The following TENM1 variants were observed in gnomAD, a reference collection of about 807,000 sequenced individuals.
The protein encoded by TENM1 is teneurin transmembrane protein 1.
TENM1 carries 35 observed loss-of-function variants against 174.8 expected under a neutral mutation model. The ratio of observed to expected loss-of-function variants is 0.20; its 90% CI spans 0.15 to 0.27. The LOEUF (loss-of-function observed/expected upper bound fraction) is 0.27. TENM1 is among the 10% of genes least tolerant of loss of function. TENM1 has a pLI of 1.00. For missense variants in TENM1, 1,633 were observed against 2,130.1 expected (o/e 0.77, Z 4.59); for synonymous variants, 781 against 798.7 (o/e 0.98, Z 0.37).
At chrX:124,998,489 A>C in the TENM1 span, among the ~76,000 whole-genome samples, 1 of 110,637 alleles carries the variant, frequency 9.0e-6, no homozygotes, top group Non-Finnish European at 1.9e-5. Flanking sequence ...AAAAAAAAAA[A>C]ACAATGATAA....
intron 5 of TENM1, among the ~76,000 whole-genome samples, chrX:124,672,065 T>C (rs1475477182): frequency 1.8e-5 from 2 of 112,073 alleles, no homozygotes; most frequent in Non-Finnish European, 3.8e-5. Context: ...AGGCTAAAGC[T>C]ATCCCAATGA....
intron 23 of TENM1, among the ~76,000 whole-genome samples, chrX:124,443,044 ATGTGTGTGTGTGTGTGTGTGTGTGTGTG>A (rs59365041): frequency 5.4e-4 from 28 of 51,903 alleles, no homozygotes; most frequent in Admixed American, 8.0e-4. Flanking sequence ...CTGGATGACT[ATGTGTGTGTGTGTGTGTGTGTGTGTGTG>A]TGTGTGTGTG....
chrX:125,095,420 AT>A, the TENM1 span, among the ~76,000 whole-genome samples: 5 of 110,287 alleles, frequency 4.5e-5, no homozygotes, highest in East Asian at 5.7e-4. Context: ...AACAGATTGG[AT>A]TTTTTTTTGC....
chrX:124,929,028 TTTTTG>T (rs1339041298), intron 1 of TENM1, among the ~76,000 whole-genome samples: 1 of 112,004 alleles, frequency 8.9e-6, no homozygotes, highest in African/African-American at 3.2e-5. Flanking sequence ...TACCAGGGTG[TTTTTG>T]TTTTGTTTTG....
chrX:124,788,091 C>T (rs760401389), intron 3 of TENM1, among the ~76,000 whole-genome samples: 16 of 111,377 alleles, frequency 1.4e-4, no homozygotes, highest in African/African-American at 4.2e-4. Context: ...GACAGCAGCC[C>T]AGAAAAGACC....
At chrX:124,764,181 A>G (rs1428722503) in intron 3 of TENM1, among the ~76,000 whole-genome samples, 1 of 112,053 alleles carries the variant, frequency 8.9e-6, no homozygotes, top group Non-Finnish European at 1.9e-5. Context: ...AGAGGAGAGC[A>G]TGACTAGGTA....
chrX:125,055,909 A>C, the TENM1 span, among the ~76,000 whole-genome samples: 1 of 112,090 alleles, frequency 8.9e-6, no homozygotes, highest in East Asian at 2.8e-4. Flanking sequence ...GCTTATTAAC[A>C]GTCCAAAACA....
intron 11 of TENM1, among the ~76,000 whole-genome samples, chrX:124,583,196 C>T (rs762664434): frequency 1.9e-3 from 212 of 111,454 alleles, no homozygotes; most frequent in African/African-American, 6.0e-3. Flanking sequence ...TCTCCCAGCA[C>T]GCAGCTGGAG....
At chrX:125,062,791 A>G in the TENM1 span, among the ~76,000 whole-genome samples, 1 of 112,023 alleles carries the variant, frequency 8.9e-6, no homozygotes, top group Non-Finnish European at 1.9e-5. Context: ...CAGCACCAGA[A>G]GCCAGCATGG....
chrX:124,646,464 T>C (rs777153353), intron 9 of TENM1, among the ~76,000 whole-genome samples: 24 of 112,126 alleles, frequency 2.1e-4, no homozygotes, highest in African/African-American at 7.5e-4. Context: ...CCCATAAAAA[T>C]TGGATAATAG....
At chrX:125,028,361 A>C in the TENM1 span, among the ~76,000 whole-genome samples, 1 of 112,496 alleles carries the variant, frequency 8.9e-6, no homozygotes, top group Non-Finnish European at 1.9e-5. Flanking sequence ...ATGAAAACCT[A>C]TATGGATGCT....
chrX:124,854,736 T>C (rs904874352), intron 3 of TENM1, among the ~76,000 whole-genome samples: 6 of 111,653 alleles, frequency 5.4e-5, no homozygotes, highest in Admixed American at 9.5e-5. Context: ...TCTTAAGACA[T>C]AACTTCAAGT....
chrX:124,624,272 T>C (rs766697516), intron 11 of TENM1, among the ~76,000 whole-genome samples: 2 of 111,676 alleles, frequency 1.8e-5, no homozygotes. Flanking sequence ...AGTATTTATA[T>C]CTTCCCTCAC....
chrX:124,661,920 A>C (rs2051611946), intron 6 of TENM1, among the ~76,000 whole-genome samples: 2 of 111,263 alleles, frequency 1.8e-5, no homozygotes, highest in Admixed American at 9.5e-5. Context: ...GAGTAATAAT[A>C]ATAATAATAG....
At chrX:124,436,530 G>T (rs1264987219) in intron 23 of TENM1, among the ~76,000 whole-genome samples, 1 of 106,008 alleles carries the variant, frequency 9.4e-6, no homozygotes, top group African/African-American at 3.5e-5. Flanking sequence ...GTCTCACTCT[G>T]TCGCCCAGGC....
At chrX:124,729,925 C>T (rs1033560207) in intron 4 of TENM1, among the ~76,000 whole-genome samples, 4 of 111,235 alleles carry the variant, frequency 3.6e-5, no homozygotes, top group African/African-American at 6.5e-5. Context: ...GGCGCGATCT[C>T]GGCTCACTGC....
chrX:125,005,191 C>T, the TENM1 span, among the ~76,000 whole-genome samples: 26 of 5,387 alleles, frequency 4.8e-3, no homozygotes, highest in Non-Finnish European at 0.019. Flanking sequence ...TGTATACATA[C>T]ACACACACAC....
chrX:125,153,680 T>G, the TENM1 span, among the ~76,000 whole-genome samples: 1 of 112,331 alleles, frequency 8.9e-6, no homozygotes, highest in Non-Finnish European at 1.9e-5. Context: ...ACTGTGATTC[T>G]GAGAGGAAAC....
At chrX:124,994,048 G>A in the TENM1 span, among the ~76,000 whole-genome samples, 1 of 110,056 alleles carries the variant, frequency 9.1e-6, no homozygotes. Flanking sequence ...GCTTTTCCAT[G>A]GGTGGGTCAG....
Sources: gnomAD v4.1 joint callset for allele counts (sites outside exome capture counted in the v4.1 genomes callset) on GRCh38, gnomAD v4.1.1 for gene constraint, MANE v1.5 for transcripts, NCBI Gene and HGNC (gene_info 2026-07-23, HGNC 2026-07-21) for gene names.